UGGT2: variants seen among roughly 807,000 people sequenced by gnomAD.
The protein encoded by UGGT2 is UDP-glucose:glycoprotein glucosyltransferase 2.
A neutral mutation model predicts 192.1 loss-of-function variants in UGGT2; 180 were observed. That is an observed-to-expected ratio of 0.94 (90% confidence interval 0.83 to 1.06). The LOEUF (loss-of-function observed/expected upper bound fraction) is 1.06, where lower values mean the gene tolerates loss of function less well. Among genes scored for constraint, UGGT2 ranks in the 50% least tolerant of loss-of-function variants. The probability of loss-of-function intolerance (pLI) is 0.00; values close to 1 mark genes in which losing one functional copy is unlikely to be tolerated. For missense variants in UGGT2, 1,849 were observed against 1,795.7 expected, an observed-to-expected ratio of 1.03 and a Z score of -0.54; for synonymous variants, 580 against 591.0, an observed-to-expected ratio of 0.98 and a Z score of 0.27.
intron 9 of UGGT2, among the ~76,000 whole-genome samples, chr13:95,985,694 T>C (rs1344485346): frequency 3.3e-5 from 5 of 152,200 alleles, no homozygotes; most frequent in African/African-American, 9.6e-5. Flanking sequence ...CTAACCAGAA[T>C]ACAATTGCAT....
intron 12 of UGGT2, among the ~76,000 whole-genome samples, chr13:95,968,053 T>C (rs1242697374): frequency 6.6e-6 from 1 of 152,124 alleles, no homozygotes; most frequent in Non-Finnish European, 1.5e-5. Flanking sequence ...TATTTCCTCA[T>C]TTCTAACAGT....
chr13:95,838,646 T>C (rs1476587336), intron 36 of UGGT2, among the ~76,000 whole-genome samples: 5 of 152,146 alleles, frequency 3.3e-5, no homozygotes, highest in Admixed American at 6.5e-5. Flanking sequence ...AAATTACCCA[T>C]ACTTTCTGCT....
intron 1 of UGGT2, among the ~76,000 whole-genome samples, chr13:96,044,948 T>C (rs1237604940): frequency 2.6e-5 from 4 of 152,126 alleles, no homozygotes; most frequent in Non-Finnish European, 4.4e-5. Context: ...CTATTGACAC[T>C]ATTCCACGAG....
chr13:95,878,157 C>T (rs1016030682), intron 27 of UGGT2, among the ~76,000 whole-genome samples: 2 of 151,974 alleles, frequency 1.3e-5, no homozygotes, highest in Non-Finnish European at 2.9e-5. Flanking sequence ...CTTAAAGAAT[C>T]TGCTTCAGTT....
At chr13:95,966,501 G>A (rs1380962574) in intron 12 of UGGT2, among the ~76,000 whole-genome samples, 2 of 152,068 alleles carry the variant, frequency 1.3e-5, no homozygotes, top group African/African-American at 4.8e-5. Flanking sequence ...AAAGTAGGGT[G>A]ACTATAGTTA....
At chr13:95,973,178 TAAATA>T (rs531229846) in intron 10 of UGGT2, among the ~76,000 whole-genome samples, 2,967 of 151,836 alleles carry the variant, frequency 0.02, 91 homozygotes, top group African/African-American at 0.068. Context: ...CTCAAAAAAA[TAAATA>T]AAATAATAAA....
In UGGT2 at chr13:95,903,050, A is replaced by C. The variant is rs1195686839; in HGVS notation, c.2306T>G (p.Val769Gly). Residue 769 changes from valine (V) to glycine (G), a missense_variant, in exon 21 of 39, where the codon GTT becomes GGT. Coordinates refer to ENST00000376747, the MANE Select transcript of UGGT2 (RefSeq NM_020121.4). ...ATAAATAATCCCCAACCGACTATGA[A>C]CACTTGTTTTCTGCAAACATATTTA... ...FNALKHMKTSVHSRLGIIYNP... is the reference protein window; with the variant it reads ...FNALKHMKTSGHSRLGIIYNP... 1 of 1,609,918 alleles carries C rather than the reference A, an allele frequency of 6.2e-7. No homozygotes were observed. Among genetic ancestry groups the C allele is most frequent in the Non-Finnish European group, 8.5e-7 (1 of 1,178,942 alleles).
At chr13:95,938,364 C>T (rs918425509) in intron 16 of UGGT2, among the ~76,000 whole-genome samples, 2 of 152,130 alleles carry the variant, frequency 1.3e-5, no homozygotes, top group Non-Finnish European at 1.5e-5. Flanking sequence ...AACTCATTTG[C>T]TATCCAATAC....
At position 95,991,932 on chromosome 13, in the gene UGGT2, G is replaced by A. The variant is rs141486421; in HGVS notation, c.831-1859C>T. ...ATAGCCTTGGGAGACCGAGGCAGGC[G>A]GATCACGAGGTCAGGAGGTCAGGAG... On this transcript the variant is annotated intron_variant, in intron 7 of 38. Transcript: ENST00000376747. Among the ~76,000 whole-genome samples, 82 of 152,172 alleles carry A rather than the reference G, an allele frequency of 5.4e-4. 1 individual carries two copies. Among genetic ancestry groups the A allele is most frequent in the African/African-American group, 1.8e-3 (74 of 41,512 alleles).
At chr13:96,032,179 T>C (rs1221152725) in intron 1 of UGGT2, among the ~76,000 whole-genome samples, 3 of 152,142 alleles carry the variant, frequency 2.0e-5, no homozygotes, top group Non-Finnish European at 4.4e-5. Context: ...ACTATAAACA[T>C]ATAATCATGT....
intron 34 of UGGT2, among the ~76,000 whole-genome samples, chr13:95,855,574 G>A (rs1401822628): frequency 6.7e-6 from 1 of 150,098 alleles, no homozygotes; most frequent in East Asian, 2.0e-4. Context: ...TCAGGCTGGA[G>A]TGCAGTGGCA....
chr13:95,939,068 T>G (rs2049567561), intron 16 of UGGT2, among the ~76,000 whole-genome samples: 1 of 152,190 alleles, frequency 6.6e-6, no homozygotes, highest in Non-Finnish European at 1.5e-5. Flanking sequence ...GCATTAAATG[T>G]TGTTCACAAG....
chr13:95,970,355 GATT>G, intron 11 of UGGT2, 93 bp from the exon 12 acceptor site: 1 of 1,191,794 alleles, frequency 8.4e-7, no homozygotes, highest in Non-Finnish European at 1.2e-6. Context: ...TTAGAAATGA[GATT>G]TTTTGGTATC....
intron 7 of UGGT2, among the ~76,000 whole-genome samples, chr13:95,993,851 C>T (rs2051532506): frequency 1.3e-5 from 2 of 151,976 alleles, no homozygotes; most frequent in South Asian, 4.1e-4. Flanking sequence ...AAATCATAAA[C>T]TTTCACTTGT....
chr13:95,959,379 C>A (rs2050315449), intron 12 of UGGT2, among the ~76,000 whole-genome samples: 1 of 152,190 alleles, frequency 6.6e-6, no homozygotes, highest in Non-Finnish European at 1.5e-5. Flanking sequence ...CTGCTGCTGC[C>A]TCTACCTGAG....
intron 20 of UGGT2, among the ~76,000 whole-genome samples, chr13:95,914,801 A>AAAAAAC (rs2140365793): frequency 1.6e-5 from 1 of 61,712 alleles, no homozygotes; most frequent in South Asian, 4.9e-4. Flanking sequence ...AGACTCTTTC[A>AAAAAAC]AAAAAACAAA....
At chr13:95,847,494 C>G (rs1037926520) in intron 36 of UGGT2, among the ~76,000 whole-genome samples, 1 of 152,170 alleles carries the variant, frequency 6.6e-6, no homozygotes, top group Non-Finnish European at 1.5e-5. Context: ...AACCACTTAT[C>G]TTTATACTGT....
At chr13:95,902,127 G>A (rs777460365) in intron 21 of UGGT2, among the ~76,000 whole-genome samples, 1 of 152,080 alleles carries the variant, frequency 6.6e-6, no homozygotes, top group Non-Finnish European at 1.5e-5. Context: ...AAAAATATAC[G>A]ACCAAGGCTG....
chr13:95,883,313 A>G (rs2047546394), intron 27 of UGGT2, among the ~76,000 whole-genome samples: 1 of 152,232 alleles, frequency 6.6e-6, no homozygotes, highest in Non-Finnish European at 1.5e-5. Context: ...GGCAATGGCT[A>G]TATTCTACAG....
Sources: gnomAD v4.1 joint callset for allele counts (sites outside exome capture counted in the v4.1 genomes callset) on GRCh38, gnomAD v4.1.1 for gene constraint, MANE v1.5 for transcripts, NCBI Gene and HGNC (gene_info 2026-07-23, HGNC 2026-07-21) for gene names.